The following CGNL1 variants were observed in gnomAD, a reference collection of about 807,000 sequenced individuals.
CGNL1 encodes the protein cingulin-like protein 1.
A neutral mutation model predicts 141.2 loss-of-function variants in CGNL1; 132 were observed. The observed-to-expected ratio is 0.93, with a 90% CI of 0.81 to 1.08. CGNL1 has a LOEUF of 1.08. CGNL1 is among the 50% of genes least tolerant of loss of function. CGNL1 has a pLI of 0.00. For missense variants in CGNL1, 1,870 were observed against 1,588.6 expected (o/e 1.18, Z -3.01); for synonymous variants, 690 against 622.1 (o/e 1.11, Z -1.63).
At chr15:57,470,371 G>A (rs2063566875) in intron 8 of CGNL1, among the ~76,000 whole-genome samples, 2 of 150,296 alleles carry the variant, frequency 1.3e-5, no homozygotes, top group Admixed American at 6.7e-5. Context: ...GGTGTCCTGG[G>A]ATGTTCCTTT....
intron 10 of CGNL1, 38 bp from the exon 11 acceptor site, chr15:57,523,451 A>G (rs1235780387): frequency 6.2e-7 from 1 of 1,609,678 alleles, no homozygotes; most frequent in Middle Eastern, 1.7e-4. Context: ...CTACCTGGTT[A>G]GTAGGTGACA....
Position 57,448,509 on chromosome 15 carries a change from G to T in CGNL1, c.1804-2991G>T, listed in dbSNP as rs112739715. ...ACTAAAAATACAAAATTAACCAGGT[G>T]TGATGGTGCGCACCTGTAACCCCAG... On this transcript the variant is annotated intron_variant, in intron 4 of 18. Coordinates refer to ENST00000281282, the MANE Select transcript of CGNL1 (RefSeq NM_032866.5). Among the ~76,000 whole-genome samples the T allele has an allele frequency of 2.1e-4, 32 of 151,986 alleles. 1 individual carries two copies. The highest frequency in any genetic ancestry group is 2.1e-3 in the Admixed American group (32 of 15,268).
At chr15:57,499,667 C>T (rs1276052994) in intron 8 of CGNL1, among the ~76,000 whole-genome samples, 1 of 152,176 alleles carries the variant, frequency 6.6e-6, no homozygotes, top group East Asian at 1.9e-4. Context: ...AATCTTTTTT[C>T]AAAGAATCTT....
intron 1 of CGNL1, among the ~76,000 whole-genome samples, chr15:57,419,558 G>C (rs1377060861): frequency 6.6e-6 from 1 of 152,042 alleles, no homozygotes; most frequent in Non-Finnish European, 1.5e-5. Flanking sequence ...GAAGGGTATT[G>C]GTTGGGTATT....
At position 57,547,665 on chromosome 15, in the gene CGNL1, A is replaced by C; in HGVS notation, c.*175A>C. The C allele has an allele frequency of 3.0e-6, 2 of 660,672 alleles. No homozygotes were observed. Among genetic ancestry groups the C allele is most frequent in the Non-Finnish European group, 4.9e-6 (2 of 411,756 alleles). 40.9% of individuals were successfully genotyped at this position (660,672 alleles called of 1,614,324 possible). Reference sequence around the variant, plus strand: ...GCCAGGGTCTCTCAGTGGGTCTTCGACAGAGAGCTTTTGCAGTTTAAAATG... The same window carrying C: ...GCCAGGGTCTCTCAGTGGGTCTTCGCCAGAGAGCTTTTGCAGTTTAAAATG... On this transcript the variant is annotated 3_prime_UTR_variant, in exon 19 of 19. Transcript: ENST00000281282.
At chr15:57,543,136 T>A (rs28489568) in intron 14 of CGNL1, among the ~76,000 whole-genome samples, 2 of 152,176 alleles carry the variant, frequency 1.3e-5, no homozygotes, top group African/African-American at 4.8e-5. Context: ...AGGGAAATGA[T>A]TCCTTGCCTC....
Position 57,451,528 on chromosome 15 carries a change from A to G in CGNL1, c.1832A>G (p.Asp611Gly). Reference protein sequence around the residue: ...QACNSTSEVKDLLEQKSKLTI... With the variant: ...QACNSTSEVKGLLEQKSKLTI... ...TGTAATTCCACATCTGAAGTCAAAG[A>G]TCTATTGGAACAGAAAAGCAAGTTG... Residue 611 changes from aspartate (D) to glycine (G), a missense_variant, in exon 5 of 19, where the codon GAT becomes GGT. Transcript: ENST00000281282. 6.2e-7 allele frequency: 1 copy of G among 1,612,954 alleles called. No homozygotes were observed. The highest frequency in any genetic ancestry group is 8.5e-7 in the Non-Finnish European group (1 of 1,179,380).
intron 1 of CGNL1, among the ~76,000 whole-genome samples, chr15:57,431,345 C>G (rs1260716844): frequency 6.6e-6 from 1 of 152,180 alleles, no homozygotes; most frequent in African/African-American, 2.4e-5. Context: ...AAAGACACTT[C>G]CTTTAAAATC....
chr15:57,515,923 C>A (rs922447448), intron 8 of CGNL1, among the ~76,000 whole-genome samples: 7 of 152,020 alleles, frequency 4.6e-5, no homozygotes, highest in Non-Finnish European at 1.0e-4. Flanking sequence ...CTTTGGGAGG[C>A]CGAGGCAGAC....
chr15:57,382,466 A>G (rs1379581044), intron 1 of CGNL1, among the ~76,000 whole-genome samples: 2 of 152,198 alleles, frequency 1.3e-5, no homozygotes, highest in African/African-American at 2.4e-5. Flanking sequence ...CTGCTGCCCA[A>G]TCACAGGGAT....
At chr15:57,405,812 T>G (rs1358049605) in intron 1 of CGNL1, among the ~76,000 whole-genome samples, 5 of 108,020 alleles carry the variant, frequency 4.6e-5, no homozygotes, top group Non-Finnish European at 7.1e-5. Flanking sequence ...CTTTCTTTCC[T>G]TCTTTCTTTC....
At position 57,401,124 on chromosome 15, in the gene CGNL1, T is replaced by A. The variant is rs1283910608; in HGVS notation, c.-16+24557T>A. ...TTTTTAAAAATATATTTGTATACTT[T>A]CTATGGCTGTGTATATAAATTTTTG... On this transcript the variant is annotated intron_variant, in intron 1 of 18. Transcript: ENST00000281282. Among the ~76,000 whole-genome samples, 5 of 152,284 alleles carry A rather than the reference T, an allele frequency of 3.3e-5. No individual in the cohort carries two copies. The South Asian group carries it at 1.0e-3, about 32-fold the overall frequency.
intron 7 of CGNL1, among the ~76,000 whole-genome samples, chr15:57,458,523 A>G (rs1231398101): frequency 1.3e-5 from 2 of 152,212 alleles, no homozygotes; most frequent in Non-Finnish European, 2.9e-5. Flanking sequence ...GCAGCACACA[A>G]AAGGCAACAC....
intron 1 of CGNL1, among the ~76,000 whole-genome samples, chr15:57,381,178 C>G (rs1406939297): frequency 5.3e-5 from 8 of 152,136 alleles, no homozygotes; most frequent in Admixed American, 3.9e-4. Context: ...TACTGTAAAC[C>G]CTTTACATTC....
At chr15:57,481,096 C>A (rs1213966742) in intron 8 of CGNL1, among the ~76,000 whole-genome samples, 13 of 106,836 alleles carry the variant, frequency 1.2e-4, no homozygotes, top group African/African-American at 2.4e-4. Flanking sequence ...TAAAGATGGG[C>A]AAAGTTTAAA....
chr15:57,502,540 T>C (rs2064040080), intron 8 of CGNL1, among the ~76,000 whole-genome samples: 1 of 152,192 alleles, frequency 6.6e-6, no homozygotes, highest in Non-Finnish European at 1.5e-5. Flanking sequence ...TACAGGCCTG[T>C]TTTAATTTAT....
chr15:57,394,101 G>GTGT (rs2062574137), intron 1 of CGNL1: 1 of 33,470 alleles, frequency 3.0e-5, no homozygotes, highest in Non-Finnish European at 6.4e-5. Context: ...GGTAATTTCT[G>GTGT]TTTGTTTTTT....
chr15:57,528,731 G>C lies in CGNL1; in HGVS notation c.3117G>C (p.Glu1039Asp), dbSNP rs745598492. The part of the protein sequence containing the change: ...DEALTKRQLL[E>D]QTLKDLEYEL... Reference sequence around the variant, plus strand: ...CACTCACAAAAAGGCAGCTTCTGGAGCAGACGCTGAAGGACCTGGAGTATG... The same window carrying C: ...CACTCACAAAAAGGCAGCTTCTGGACCAGACGCTGAAGGACCTGGAGTATG... The change falls in exon 13 of 19, where the codon GAG becomes GAC. Residue 1039 changes from glutamate to aspartate, a missense_variant. Glu to Asp is a conservative substitution (Grantham distance 45). Transcript: ENST00000281282. The C allele has an allele frequency of 1.6e-5, 26 of 1,614,040 alleles. No individual in the cohort carries two copies. The highest frequency in any genetic ancestry group is 2.1e-5 in the Non-Finnish European group (25 of 1,179,990).
chr15:57,509,498 G>A (rs573332192), intron 8 of CGNL1, among the ~76,000 whole-genome samples: 137 of 152,316 alleles, frequency 9.0e-4, no homozygotes, highest in African/African-American at 2.9e-3. Context: ...CCAAGGTGTC[G>A]GGTCCGTGTT....
Sources: allele counts gnomAD v4.1 joint callset (sites outside exome capture counted in the v4.1 genomes callset), GRCh38; gene constraint gnomAD v4.1.1; transcripts MANE v1.5; gene names NCBI Gene and HGNC (gene_info 2026-07-23, HGNC 2026-07-21).